PHF8: variants seen among roughly 807,000 people sequenced by gnomAD.
The protein encoded by PHF8 is histone lysine demethylase PHF8.
Under a neutral mutation model 74.4 loss-of-function variants are expected in PHF8, and 9 were observed. The ratio of observed to expected loss-of-function variants is 0.12; its 90% CI spans 0.07 to 0.21. The LOEUF (loss-of-function observed/expected upper bound fraction) is 0.21, where lower values mean the gene tolerates loss of function less well. Among genes scored for constraint, PHF8 ranks in the 10% least tolerant of loss-of-function variants. PHF8 has a pLI of 1.00. For synonymous variants in PHF8, 311 were observed against 316.6 expected (o/e 0.98, Z 0.19); for missense variants, 478 against 816.6 (o/e 0.59, Z 5.05).
At chrX:53,974,190 C>A (rs1444633235) in intron 18 of PHF8, among the ~76,000 whole-genome samples, 1 of 110,521 alleles carries the variant, frequency 9.0e-6, no homozygotes, top group Non-Finnish European at 1.9e-5. Flanking sequence ...GGCATGAACC[C>A]GGGAGGCGGA....
At chrX:53,970,960 A>G (rs782272293) in intron 18 of PHF8, among the ~76,000 whole-genome samples, 1 of 111,745 alleles carries the variant, frequency 8.9e-6, no homozygotes, top group Non-Finnish European at 1.9e-5. Context: ...TAACAAAGAT[A>G]TTCAGAACCT....
At position 54,016,553 on chromosome X, in the gene PHF8, A is replaced by G. The variant is rs376032942; in HGVS notation, c.596+42T>C. 11 of 1,124,156 alleles carry G rather than the reference A, an allele frequency of 9.8e-6. No individual in the cohort carries two copies. The Admixed American group carries it at 1.1e-4, about 11-fold the overall frequency. The allele number at this position is 1,124,156 out of a possible 1,213,427, so 92.6% of individuals were successfully genotyped here. A position where few individuals can be genotyped will look rare whatever the true frequency, so the allele number is the denominator to read the frequency against. On this transcript the variant is annotated intron_variant, in intron 6 of 21. Transcript: ENST00000338154. ...ACACTAGATATATCACACAAGTTTC[A>G]GGCACTTTGTCAGGTTTTTTTGTTA...
At chrX:53,949,159 C>T (rs936698273) in intron 19 of PHF8, among the ~76,000 whole-genome samples, 2 of 110,687 alleles carry the variant, frequency 1.8e-5, no homozygotes, top group East Asian at 2.9e-4. Context: ...ATGGTGAAAC[C>T]CTGTCTCTAC....
chrX:53,970,301 A>T (rs782130575), intron 18 of PHF8, among the ~76,000 whole-genome samples: 1 of 111,844 alleles, frequency 8.9e-6, no homozygotes, highest in Non-Finnish European at 1.9e-5. Context: ...AATCCAATTT[A>T]AAAATGGGCA....
intron 10 of PHF8, among the ~76,000 whole-genome samples, chrX:54,000,189 T>C (rs782818454): frequency 6.2e-5 from 7 of 112,306 alleles, no homozygotes; most frequent in African/African-American, 2.3e-4. Context: ...AGGTATTATC[T>C]TCATTATACA....
At chrX:53,979,072 C>T (rs782244395) in intron 18 of PHF8, among the ~76,000 whole-genome samples, 1 of 111,430 alleles carries the variant, frequency 9.0e-6, no homozygotes, top group Admixed American at 9.6e-5. Flanking sequence ...AATTTTACTT[C>T]ATGTTAATTT....
In PHF8 at chrX:54,014,512, G is replaced by A. The variant is rs782644934; in HGVS notation, c.648C>T (p.Val216=). 5.0e-6 allele frequency: 6 copies of A among 1,207,739 alleles called. No homozygotes were observed. The highest frequency in any genetic ancestry group is 3.0e-5 in the East Asian group (1 of 33,817). Residue 216 remains valine (V), a synonymous_variant, in exon 7 of 22, where the codon GTC becomes GTT. Coordinates refer to ENST00000338154, the MANE Select transcript of PHF8 (RefSeq NM_015107.3). ...TPKIVRKLSW[V]ENLWPEECVF... is the part of the protein sequence containing the mutation. ...CACATTCCTCTGGCCACAAGTTTTC[G>A]ACCCATGACAGCTTTCGAACAATCT...
intron 19 of PHF8, among the ~76,000 whole-genome samples, chrX:53,958,458 T>C (rs782301455): frequency 1.9e-5 from 2 of 107,603 alleles, no homozygotes; most frequent in Admixed American, 1.0e-4. Flanking sequence ...TTTGCTTGTA[T>C]ATGTGCAAAC....
chrX:54,008,553 T>G (rs1196573412), intron 8 of PHF8, among the ~76,000 whole-genome samples: 3 of 107,042 alleles, frequency 2.8e-5, no homozygotes, highest in Non-Finnish European at 1.9e-5. Context: ...CCCAGGCCAG[T>G]GGTGGCAGGT....
chrX:53,986,852 G>A (rs1048005183), intron 16 of PHF8, among the ~76,000 whole-genome samples: 8 of 111,513 alleles, frequency 7.2e-5, no homozygotes, highest in African/African-American at 2.0e-4. Context: ...AGCTGGCCCC[G>A]GAGGTCAAGA....
upstream of PHF8, among the ~76,000 whole-genome samples, chrX:54,048,498 C>T (rs1403604664): frequency 1.8e-5 from 2 of 111,487 alleles, no homozygotes; most frequent in African/African-American, 3.3e-5. Context: ...TGGTTCCTAC[C>T]CCGACTCCTA....
intron 2 of PHF8, among the ~76,000 whole-genome samples, chrX:54,027,427 C>T (rs1197021858): frequency 9.0e-6 from 1 of 111,101 alleles, no homozygotes; most frequent in African/African-American, 3.3e-5. Flanking sequence ...AGTCTCCCTC[C>T]CACCCTTAGC....
chrX:54,007,537 A>C (rs1341261258), intron 8 of PHF8, among the ~76,000 whole-genome samples: 6 of 112,231 alleles, frequency 5.3e-5, no homozygotes, highest in African/African-American at 1.9e-4. Context: ...AAAGTATATA[A>C]ATTCTTGTAA....
chrX:54,026,854 C>T (rs782786391), intron 2 of PHF8, among the ~76,000 whole-genome samples: 1 of 111,376 alleles, frequency 9.0e-6, no homozygotes, highest in South Asian at 3.8e-4. Flanking sequence ...ATCCTCCTAC[C>T]TCAGCCTCCC....
chrX:54,020,168 A>C (rs2066145348), intron 4 of PHF8, among the ~76,000 whole-genome samples: 2 of 112,274 alleles, frequency 1.8e-5, no homozygotes, highest in Non-Finnish European at 3.8e-5. Flanking sequence ...CCTGGGGGAC[A>C]AGAGCGAGAC....
At chrX:54,006,939 CA>C (rs1219211822) in intron 8 of PHF8, among the ~76,000 whole-genome samples, 443 of 27,744 alleles carry the variant, frequency 0.016, 4 homozygotes, top group African/African-American at 0.041. Context: ...AACTTCATCT[CA>C]AAAAAAAAAA....
chrX:54,006,078 G>A (rs782084404), intron 8 of PHF8, among the ~76,000 whole-genome samples: 10 of 112,246 alleles, frequency 8.9e-5, no homozygotes, highest in South Asian at 3.7e-4. Flanking sequence ...TGGGTAGCAC[G>A]TCAATCTCAT....
At chrX:54,009,137 C>T (rs2065941229) in intron 8 of PHF8, among the ~76,000 whole-genome samples, 2 of 111,859 alleles carry the variant, frequency 1.8e-5, no homozygotes, top group African/African-American at 6.5e-5. Flanking sequence ...GAGATTGTGC[C>T]ACTGCACTCC....
chrX:53,958,174 T>C (rs1213848406), intron 19 of PHF8, among the ~76,000 whole-genome samples: 1 of 109,001 alleles, frequency 9.2e-6, no homozygotes, highest in African/African-American at 3.3e-5. Context: ...CCTGAGTAGA[T>C]GGGACTACAG....
Sources: allele counts gnomAD v4.1 joint callset (sites outside exome capture counted in the v4.1 genomes callset), GRCh38; gene constraint gnomAD v4.1.1; transcripts MANE v1.5; gene names NCBI Gene and HGNC (gene_info 2026-07-23, HGNC 2026-07-21).